PLS1: variants seen among roughly 807,000 people sequenced by gnomAD.
The protein encoded by PLS1 is plastin-1.
A neutral mutation model predicts 73.7 loss-of-function variants in PLS1; 32 were observed. That is an observed-to-expected ratio of 0.43 (90% CI 0.33 to 0.58). The LOEUF (loss-of-function observed/expected upper bound fraction) is 0.58, where lower values mean the gene tolerates loss of function less well. Ranked by LOEUF, PLS1 falls within the 20% of genes least tolerant of loss-of-function variation. The probability of loss-of-function intolerance (pLI) is 0.04; values close to 1 mark genes in which losing one functional copy is unlikely to be tolerated. For synonymous variants in PLS1, 217 were observed against 261.3 expected, an observed-to-expected ratio of 0.83 and a Z score of 1.63; for missense variants, 633 against 740.5, an observed-to-expected ratio of 0.85 and a Z score of 1.68.
At chr3:142,704,682 T>A (rs1459884483) in intron 14 of PLS1, 96 bp downstream of exon 14, 2 of 564,802 alleles carry the variant, frequency 3.5e-6, no homozygotes, top group Non-Finnish European at 5.5e-6. Flanking sequence ...GGAGTCTCGC[T>A]CTGTCACCCA....
At chr3:142,677,108 T>C (rs1281342721) in intron 5 of PLS1, among the ~76,000 whole-genome samples, 1 of 152,206 alleles carries the variant, frequency 6.6e-6, no homozygotes, top group Non-Finnish European at 1.5e-5. Flanking sequence ...GGTATTTTCC[T>C]ATTCTTGTTT....
At position 142,697,991 on chromosome 3, in the gene PLS1, A is replaced by T; in HGVS notation, c.1295A>T (p.Glu432Val). ...GCTTTAGTGATCTTTCAGCTCTATG[A>T]GATGATCCGAGTGCCAGTCAACTGG... ...ADALVIFQLYEMIRVPVNWSH... is the reference protein window; with the variant it reads ...ADALVIFQLYVMIRVPVNWSH... The change falls in exon 12 of 16, where the codon GAG (glutamate) becomes GTG (valine). Residue 432 changes from glutamate to valine, a missense_variant. Physicochemically the swap from Glu to Val is moderately radical, Grantham distance 121. Transcript: ENST00000457734. 2 of 1,613,438 alleles carry T rather than the reference A, an allele frequency of 1.2e-6. No homozygotes were observed. Among genetic ancestry groups the T allele is most frequent in the South Asian group, 2.2e-5 (2 of 91,058 alleles).
intron 1 of PLS1, among the ~76,000 whole-genome samples, chr3:142,603,059 G>A (rs1476323234): frequency 1.3e-5 from 2 of 152,202 alleles, no homozygotes; most frequent in Admixed American, 1.3e-4. Flanking sequence ...GAACGTCGGG[G>A]AGAAAGAGAC....
chr3:142,663,321 G>A (rs2037411337), intron 1 of PLS1, among the ~76,000 whole-genome samples: 1 of 152,088 alleles, frequency 6.6e-6, no homozygotes, highest in African/African-American at 2.4e-5. Context: ...TTTCTGTTTG[G>A]GACATTCATT....
intron 6 of PLS1, among the ~76,000 whole-genome samples, chr3:142,680,601 T>C (rs1329560761): frequency 2.0e-5 from 3 of 152,220 alleles, no homozygotes; most frequent in African/African-American, 7.2e-5. Context: ...TTGTACTAAA[T>C]TGTTCTGTAG....
intron 9 of PLS1, among the ~76,000 whole-genome samples, chr3:142,688,245 G>T (rs1297735072): frequency 1.3e-5 from 2 of 152,138 alleles, no homozygotes; most frequent in Non-Finnish European, 2.9e-5. Flanking sequence ...ACCACGTCCA[G>T]CCACATATTG....
intron 1 of PLS1, among the ~76,000 whole-genome samples, chr3:142,620,187 C>T (rs908526116): frequency 4.6e-5 from 7 of 151,824 alleles, no homozygotes; most frequent in Admixed American, 1.3e-4. Flanking sequence ...TGCAGTGGCA[C>T]GATCTCGGCT....
In PLS1 at chr3:142,694,513, T is replaced by G. The variant is rs760081480; in HGVS notation, c.1222T>G (p.Leu408Val). ...ERTFRNWMNS[L>V]GVNPYINHLY... The stretch of plus-strand genomic sequence containing the variant: ...AACATTTCGGAACTGGATGAATTCC[T>G]TGGGAGTCAACCCATACATTAATCA... The change falls in exon 11 of 16, where the codon TTG (leucine) becomes GTG (valine). Residue 408 changes from leucine to valine, a missense_variant. Transcript: ENST00000457734. The G allele has an allele frequency of 6.2e-7, 1 of 1,605,036 alleles. No individual in the cohort carries two copies. Among genetic ancestry groups the G allele is most frequent in the Non-Finnish European group, 8.5e-7 (1 of 1,171,982 alleles).
At chr3:142,663,451 A>G (rs1463295679) in intron 1 of PLS1, among the ~76,000 whole-genome samples, 2 of 152,144 alleles carry the variant, frequency 1.3e-5, no homozygotes, top group East Asian at 3.9e-4. Flanking sequence ...CTTGCCCCCA[A>G]CTTTCGAAGG....
rs770786632 is a variant in PLS1, at chr3:142,689,665, T to C, written c.1029T>C (p.Asp343=). The change falls in exon 10 of 16, where the codon GAT becomes GAC. Residue 343 remains aspartate, a synonymous_variant. Transcript: ENST00000457734. The part of the protein sequence containing the change: ...KRAGLMLQEA[D]KLGCKQFVTP... ...CTGGACTCATGCTTCAAGAAGCAGA[T>C]AAACTGGGCTGCAAACAGTTTGTTA... The C allele has an allele frequency of 3.7e-6, 6 of 1,611,028 alleles. No homozygotes were observed. The highest frequency in any genetic ancestry group is 5.1e-6 in the Non-Finnish European group (6 of 1,178,780).
chr3:142,704,049 G>A, intron 13 of PLS1, 48 bp downstream of exon 13: 1 of 1,567,474 alleles, frequency 6.4e-7, no homozygotes, highest in Non-Finnish European at 8.7e-7. Context: ...CCTCCAACAA[G>A]TAATCTGAAC....
chr3:142,621,586 A>G (rs1405562746), intron 1 of PLS1, among the ~76,000 whole-genome samples: 1 of 152,198 alleles, frequency 6.6e-6, no homozygotes, highest in Non-Finnish European at 1.5e-5. Flanking sequence ...TTGTTTGGAA[A>G]ATTGTATATT....
At chr3:142,609,068 T>A (rs560275564) in intron 1 of PLS1, among the ~76,000 whole-genome samples, 37 of 152,348 alleles carry the variant, frequency 2.4e-4, no homozygotes, top group African/African-American at 8.4e-4. Flanking sequence ...AATGGAATAA[T>A]AAAGTTGCAT....
intron 1 of PLS1, among the ~76,000 whole-genome samples, chr3:142,646,136 A>G (rs200452943): frequency 6.6e-6 from 1 of 152,182 alleles, no homozygotes. Context: ...AATAATATCA[A>G]CCACAGAGAG....
intron 1 of PLS1, among the ~76,000 whole-genome samples, chr3:142,651,847 A>G (rs1040270114): frequency 5.9e-5 from 9 of 152,240 alleles, no homozygotes; most frequent in African/African-American, 1.9e-4. Context: ...AAATCAGAAG[A>G]TCTGGCAACC....
At chr3:142,627,979 A>G (rs2036466734) in intron 1 of PLS1, 1 of 152,140 alleles carries the variant, frequency 6.6e-6, no homozygotes, top group Non-Finnish European at 1.5e-5. Context: ...AGTTGTTAGA[A>G]TTGAGAAACT....
chr3:142,657,609 C>T (rs1383737346), intron 1 of PLS1, among the ~76,000 whole-genome samples: 1 of 152,188 alleles, frequency 6.6e-6, no homozygotes, highest in Non-Finnish European at 1.5e-5. Context: ...CCTGCCTCAA[C>T]CTCCCAAGTA....
chr3:142,702,669 G>T (rs1434755962), intron 12 of PLS1, among the ~76,000 whole-genome samples: 1 of 152,144 alleles, frequency 6.6e-6, no homozygotes, highest in Non-Finnish European at 1.5e-5. Context: ...AAGTTCTGAT[G>T]TAAGAAACAC....
rs1377386085 is a variant in PLS1 at position 142,712,293 on chromosome 3, A to G, written c.*286A>G. On this transcript the variant is annotated 3_prime_UTR_variant, in exon 16 of 16. Coordinates refer to ENST00000457734, the MANE Select transcript of PLS1 (RefSeq NM_001145319.2). Reference sequence around the variant, plus strand: ...CTTAAAAGTCGTATTAGACAAGACTAAATCATTCTTTTTTATGGTTCAAAA... The same window carrying G: ...CTTAAAAGTCGTATTAGACAAGACTGAATCATTCTTTTTTATGGTTCAAAA... 1 of 235,694 alleles carries G rather than the reference A, an allele frequency of 4.2e-6. No individual in the cohort carries two copies. Among genetic ancestry groups the G allele is most frequent in the African/African-American group, 2.2e-5 (1 of 44,530 alleles). The allele number at this position is 235,694 out of a possible 1,614,324, so 14.6% of individuals were successfully genotyped here. A position where few individuals can be genotyped will look rare whatever the true frequency, so the allele number is the denominator to read the frequency against.
Sources: allele counts gnomAD v4.1 joint callset (sites outside exome capture counted in the v4.1 genomes callset), GRCh38; gene constraint gnomAD v4.1.1; transcripts MANE v1.5; gene names NCBI Gene and HGNC (gene_info 2026-07-23, HGNC 2026-07-21).